The following CDH20 variants were observed in gnomAD, a reference collection of about 807,000 sequenced individuals.
CDH20 encodes cadherin 20, also known as cadherin-20.
In CDH20, 29 loss-of-function variants were observed where a neutral mutation model predicts 74.2. That is an observed-to-expected ratio of 0.39 (90% CI 0.29 to 0.53). The LOEUF (loss-of-function observed/expected upper bound fraction) is 0.53. Ranked by LOEUF, CDH20 falls within the 20% of genes least tolerant of loss-of-function variation. The pLI, the probability that CDH20 is intolerant of heterozygous loss-of-function variation, is 0.69. For synonymous variants in CDH20, 469 were observed against 405.4 expected (o/e 1.16, Z -1.88); for missense variants, 988 against 1,048.3 (o/e 0.94, Z 0.79).
intron 10 of CDH20, among the ~76,000 whole-genome samples, chr18:61,548,815 C>A (rs573082099): frequency 6.6e-6 from 1 of 152,354 alleles, no homozygotes; most frequent in South Asian, 2.1e-4. Context: ...ACACAAATCA[C>A]TATTGCTCAT....
At chr18:61,355,765 G>A (rs77402335) in intron 1 of CDH20, among the ~76,000 whole-genome samples, 1,880 of 152,214 alleles carry the variant, frequency 0.012, 43 homozygotes, top group African/African-American at 0.043. Flanking sequence ...AGATTTATGT[G>A]GAATTCTGTT....
At position 61,554,718 on chromosome 18, in the gene CDH20, C is replaced by A; in HGVS notation, c.*23C>A. 2.6e-6 allele frequency: 4 copies of A among 1,522,202 alleles called. No individual in the cohort carries two copies. The highest frequency in any genetic ancestry group is 2.4e-5 in the East Asian group (1 of 41,992). The allele number at this position is 1,522,202 out of a possible 1,614,324, so 94.3% of individuals were successfully genotyped here. A position where few individuals can be genotyped will look rare whatever the true frequency, so the allele number is the denominator to read the frequency against. On this transcript the variant is annotated 3_prime_UTR_variant, in exon 12 of 12. Transcript: ENST00000262717. ...TGACGGAAGCCAGGAGGCAGGCGCG[C>A]GTCCAAATCCAGACGTTCTCCGCGG... is the stretch of plus-strand genomic sequence containing the variant.
At chr18:61,357,071 C>A (rs1910519715) in intron 1 of CDH20, among the ~76,000 whole-genome samples, 1 of 152,148 alleles carries the variant, frequency 6.6e-6, no homozygotes, top group Non-Finnish European at 1.5e-5. Flanking sequence ...ATGGAAGGGA[C>A]AACAACTGTC....
At chr18:61,529,116 C>T (rs569191631) in intron 7 of CDH20, among the ~76,000 whole-genome samples, 1 of 152,298 alleles carries the variant, frequency 6.6e-6, no homozygotes, top group East Asian at 1.9e-4. Context: ...CAGGTTGACA[C>T]CACAACCTTC....
At chr18:61,507,150 A>G (rs1347813459) in intron 5 of CDH20, among the ~76,000 whole-genome samples, 1 of 152,198 alleles carries the variant, frequency 6.6e-6, no homozygotes, top group Non-Finnish European at 1.5e-5. Flanking sequence ...GTTCTACTGA[A>G]GCCTTTTTGA....
chr18:61,430,093 T>A (rs1401258690), intron 1 of CDH20, among the ~76,000 whole-genome samples: 1 of 151,918 alleles, frequency 6.6e-6, no homozygotes, highest in East Asian at 1.9e-4. Flanking sequence ...CATTGTCCCC[T>A]TACTCCTAGG....
chr18:61,407,914 A>C (rs999195729), intron 1 of CDH20, among the ~76,000 whole-genome samples: 3 of 152,360 alleles, frequency 2.0e-5, no homozygotes, highest in Admixed American at 2.0e-4. Context: ...AAACTGGTGA[A>C]AATTGAATAA....
At chr18:61,532,267 G>C (rs79865409) in intron 7 of CDH20, among the ~76,000 whole-genome samples, 116 of 152,216 alleles carry the variant, frequency 7.6e-4, no homozygotes, top group Non-Finnish European at 1.3e-3. Context: ...GTGCTGAGCA[G>C]TGCCTGGCTT....
chr18:61,496,120 CT>C (rs1911138783), intron 2 of CDH20, among the ~76,000 whole-genome samples: 1 of 58,718 alleles, frequency 1.7e-5, no homozygotes, highest in Non-Finnish European at 3.6e-5. Flanking sequence ...CTCCCTTCCT[CT>C]CCCCCTCTCT....
chr18:61,362,038 A>G (rs886872547), intron 1 of CDH20, among the ~76,000 whole-genome samples: 1 of 152,164 alleles, frequency 6.6e-6, no homozygotes, highest in African/African-American at 2.4e-5. Flanking sequence ...AGGGAGGGTG[A>G]GTGAATCACC....
chr18:61,548,713 T>C (rs555101913), intron 10 of CDH20, among the ~76,000 whole-genome samples: 7 of 152,332 alleles, frequency 4.6e-5, no homozygotes, highest in African/African-American at 1.2e-4. Flanking sequence ...CCGCTCTGCA[T>C]CTCACACCCT....
chr18:61,513,546 T>G (rs531093844), intron 6 of CDH20, among the ~76,000 whole-genome samples: 1 of 148,456 alleles, frequency 6.7e-6, no homozygotes, highest in African/African-American at 2.5e-5. Flanking sequence ...GCCATTACGA[T>G]GTTAGCTGGT....
At chr18:61,526,679 C>A (rs550131356) in intron 6 of CDH20, among the ~76,000 whole-genome samples, 3 of 151,526 alleles carry the variant, frequency 2.0e-5, no homozygotes, top group South Asian at 4.2e-4. Flanking sequence ...TGCCCTGGAG[C>A]ACTGTATTTA....
intron 1 of CDH20, among the ~76,000 whole-genome samples, chr18:61,392,375 C>T (rs1911818810): frequency 6.6e-6 from 1 of 152,118 alleles, no homozygotes; most frequent in Admixed American, 6.5e-5. Context: ...TATATACAAT[C>T]AGTATCTGCA....
Position 61,555,566 on chromosome 18 carries a change from G to T in CDH20, c.*871G>T. ...GTATCTGACAAAAGCATGGGTTAGA[G>T]GGCTTTCCTAATCTGTGTGAGGTCA... On this transcript the variant is annotated 3_prime_UTR_variant, in exon 12 of 12. Transcript: ENST00000262717. 3 of 985,318 alleles carry T rather than the reference G, an allele frequency of 3.0e-6. No homozygotes were observed. Among genetic ancestry groups the T allele is most frequent in the Non-Finnish European group, 3.6e-6 (3 of 829,878 alleles). The allele number at this position is 985,318 out of a possible 1,614,324, so 61.0% of individuals were successfully genotyped here. A position where few individuals can be genotyped will look rare whatever the true frequency, so the allele number is the denominator to read the frequency against.
chr18:61,497,640 G>T (rs1911219696), intron 2 of CDH20, among the ~76,000 whole-genome samples: 1 of 152,176 alleles, frequency 6.6e-6, no homozygotes. Flanking sequence ...AAAGCACTGT[G>T]CTGGGTGCCT....
chr18:61,454,269 T>C (rs1488026155), intron 1 of CDH20, among the ~76,000 whole-genome samples: 1 of 152,202 alleles, frequency 6.6e-6, no homozygotes, highest in African/African-American at 2.4e-5. Context: ...TATCTTATTT[T>C]GGTAACTATA....
intron 5 of CDH20, among the ~76,000 whole-genome samples, chr18:61,506,985 C>T (rs189875430): frequency 1.8e-4 from 27 of 152,284 alleles, no homozygotes; most frequent in African/African-American, 5.8e-4. Context: ...AGAATAAATA[C>T]GCACTTTGTG....
intron 4 of CDH20, 78 bp downstream of exon 4, chr18:61,500,580 C>G: frequency 6.8e-7 from 1 of 1,461,328 alleles, no homozygotes; most frequent in East Asian, 2.3e-5. Context: ...ACCCAACTCT[C>G]CTTTTTAAGG....
Sources: gnomAD v4.1 joint callset for allele counts (sites outside exome capture counted in the v4.1 genomes callset) on GRCh38, gnomAD v4.1.1 for gene constraint, MANE v1.5 for transcripts, NCBI Gene and HGNC (gene_info 2026-07-23, HGNC 2026-07-21) for gene names.